Variants in NEK1 observed in about 807,000 individuals in gnomAD.
The protein encoded by NEK1 is NIMA related kinase 1.
A neutral mutation model predicts 182.1 loss-of-function variants in NEK1; 137 were observed. The observed-to-expected ratio is 0.75, with a 90% confidence interval of 0.65 to 0.87. NEK1 has a LOEUF of 0.87. Ranked by LOEUF, NEK1 falls within the 40% of genes least tolerant of loss-of-function variation. The probability of loss-of-function intolerance (pLI) is 0.00; values close to 1 mark genes in which losing one functional copy is unlikely to be tolerated. For synonymous variants in NEK1, 513 were observed against 492.2 expected (o/e 1.04, Z -0.56); for missense variants, 1,391 against 1,494.4 (o/e 0.93, Z 1.14).
chr4:169,555,206 A>G (rs1381232760), intron 18 of NEK1: 1 of 163,350 alleles, frequency 6.1e-6, no homozygotes, highest in Admixed American at 6.0e-5. Flanking sequence ...GTACATATTA[A>G]TCAGTTACCA....
chr4:169,462,601 G>C (rs1325996361), intron 27 of NEK1, among the ~76,000 whole-genome samples: 5 of 151,894 alleles, frequency 3.3e-5, no homozygotes, highest in Non-Finnish European at 5.9e-5. Flanking sequence ...TTTAAGGGGA[G>C]ACAGAGAAAA....
intron 12 of NEK1, among the ~76,000 whole-genome samples, chr4:169,573,716 A>G (rs1232816817): frequency 1.3e-5 from 2 of 152,236 alleles, no homozygotes; most frequent in East Asian, 3.8e-4. Flanking sequence ...GAAGTAAGCT[A>G]GAAACACAGG....
At chr4:169,555,617 G>T in intron 18 of NEK1, 103 bp downstream of exon 18, 1 of 1,484,784 alleles carries the variant, frequency 6.7e-7, no homozygotes. Flanking sequence ...AACATCATAT[G>T]TGAACAATGG....
chr4:169,459,104 C>A (rs1579837094), intron 27 of NEK1, among the ~76,000 whole-genome samples: 1 of 150,548 alleles, frequency 6.6e-6, no homozygotes, highest in African/African-American at 2.4e-5. Context: ...AAGAGATACT[C>A]AATCCGTATT....
intron 19 of NEK1, among the ~76,000 whole-genome samples, chr4:169,525,959 A>G (rs566170272): frequency 3.7e-4 from 56 of 152,322 alleles, no homozygotes; most frequent in Non-Finnish European, 6.8e-4. Context: ...AACCAGTAAC[A>G]CTGGAATAAA....
intron 8 of NEK1, among the ~76,000 whole-genome samples, chr4:169,588,358 A>ACTAG (rs1225054037): frequency 1.3e-5 from 2 of 152,174 alleles, no homozygotes; most frequent in Non-Finnish European, 2.9e-5. Flanking sequence ...TTCAAGAAAT[A>ACTAG]CTAGCAATAA....
chr4:169,508,579 A>C (rs1358933469), intron 20 of NEK1, among the ~76,000 whole-genome samples, 190 bp downstream of exon 20: 1 of 152,222 alleles, frequency 6.6e-6, no homozygotes, highest in Admixed American at 6.5e-5. Flanking sequence ...AAAGAAACTG[A>C]AATCATAATA....
At chr4:169,566,165 A>G (rs1763645155) in intron 12 of NEK1, among the ~76,000 whole-genome samples, 1 of 152,204 alleles carries the variant, frequency 6.6e-6, no homozygotes, top group South Asian at 2.1e-4. Flanking sequence ...GCAACTTAAT[A>G]TAAATAACTG....
intron 35 of NEK1, among the ~76,000 whole-genome samples, chr4:169,398,390 T>G (rs1731077601): frequency 6.6e-6 from 1 of 152,144 alleles, no homozygotes; most frequent in African/African-American, 2.4e-5. Context: ...CACATGTTAT[T>G]CAAGTTTGAG....
intron 2 of NEK1, among the ~76,000 whole-genome samples, chr4:169,605,713 C>T (rs533755483): frequency 1.3e-5 from 2 of 152,282 alleles, no homozygotes; most frequent in South Asian, 2.1e-4. Context: ...TTAATGTTTG[C>T]CTTTTCTACC....
At chr4:169,598,171 T>C (rs776481023) in intron 5 of NEK1, among the ~76,000 whole-genome samples, 2 of 152,132 alleles carry the variant, frequency 1.3e-5, no homozygotes, top group Non-Finnish European at 2.9e-5. Context: ...GTTATAAACT[T>C]TAGAGTTAGA....
chr4:169,441,703 C>A (rs1309367555), intron 27 of NEK1, among the ~76,000 whole-genome samples: 1 of 151,718 alleles, frequency 6.6e-6, no homozygotes, highest in Non-Finnish European at 1.5e-5. Context: ...GCTGCTAGTG[C>A]CTGTATAAGC....
At chr4:169,484,970 C>A (rs968515350) in intron 23 of NEK1, among the ~76,000 whole-genome samples, 1 of 152,190 alleles carries the variant, frequency 6.6e-6, no homozygotes, top group African/African-American at 2.4e-5. Context: ...GGCTTAAACA[C>A]TACAAGTCTG....
At chr4:169,576,316 T>C (rs1042077019) in intron 12 of NEK1, among the ~76,000 whole-genome samples, 20 of 152,220 alleles carry the variant, frequency 1.3e-4, no homozygotes, top group Non-Finnish European at 2.1e-4. Flanking sequence ...ATAAAGTTTA[T>C]CTTACAGCAG....
At chr4:169,433,466 T>C (rs755518625) in intron 29 of NEK1, 79 bp downstream of exon 29, 13 of 1,332,324 alleles carry the variant, frequency 9.8e-6, no homozygotes, top group Non-Finnish European at 1.4e-5. Context: ...TGTTGCAATA[T>C]TAGCTTATTA....
At chr4:169,434,202 GTTTTTTTT>G (rs70964203) in intron 28 of NEK1, among the ~76,000 whole-genome samples, 3 of 81,904 alleles carry the variant, frequency 3.7e-5, no homozygotes, top group Admixed American at 1.6e-4. Flanking sequence ...CACTCAAATA[GTTTTTTTT>G]TTTTTTTTTT....
chr4:169,591,144 G>GC (rs553204329), intron 5 of NEK1, among the ~76,000 whole-genome samples: 1,710 of 134,416 alleles, frequency 0.013, 13 homozygotes, highest in Middle Eastern at 0.018. Flanking sequence ...TTTCTATAAC[G>GC]CCCCCCCCCC....
At chr4:169,419,273 T>C (rs1296213183) in intron 31 of NEK1, among the ~76,000 whole-genome samples, 1 of 151,714 alleles carries the variant, frequency 6.6e-6, no homozygotes, top group Non-Finnish European at 1.5e-5. Flanking sequence ...TAATTCTATA[T>C]CTAGTGAAAA....
Position 169,394,370 on chromosome 4 carries a change from T to C in NEK1, c.*140A>G, listed in dbSNP as rs570373692. ...CTGAAAAATGGCATGTTTCTCCATC[T>C]TTTTCATGCAATAAGAAAGTCCATC... On this transcript the variant is annotated 3_prime_UTR_variant, in exon 36 of 36. Coordinates refer to ENST00000507142, the MANE Select transcript of NEK1 (RefSeq NM_001199397.3). The C allele has an allele frequency of 1.8e-6, 1 of 559,192 alleles. No individual in the cohort carries two copies. The highest frequency in any genetic ancestry group is 3.2e-6 in the Non-Finnish European group (1 of 313,156). The allele number at this position is 559,192 out of a possible 1,614,324, so 34.6% of individuals were successfully genotyped here.
Sources: allele counts gnomAD v4.1 joint callset (sites outside exome capture counted in the v4.1 genomes callset), GRCh38; gene constraint gnomAD v4.1.1; transcripts MANE v1.5; gene names NCBI Gene and HGNC (gene_info 2026-07-23, HGNC 2026-07-21).